MAN1A1: variants seen among roughly 807,000 people sequenced by gnomAD.
The protein encoded by MAN1A1 is mannosyl-oligosaccharide 1,2-alpha-mannosidase IA.
In MAN1A1, 29 loss-of-function variants were observed where a neutral mutation model predicts 70.8. That is an observed-to-expected ratio of 0.41 (90% CI 0.31 to 0.56). The LOEUF (loss-of-function observed/expected upper bound fraction) is 0.56. Ranked by LOEUF, MAN1A1 falls within the 20% of genes least tolerant of loss-of-function variation. The probability of loss-of-function intolerance (pLI) is 0.29; values close to 1 mark genes in which losing one functional copy is unlikely to be tolerated. For missense variants in MAN1A1, 747 were observed against 841.3 expected (o/e 0.89, Z 1.39); for synonymous variants, 349 against 330.1 (o/e 1.06, Z -0.62).
At chr6:119,327,271 G>GA (rs1447944665) in intron 2 of MAN1A1, 1 of 151,878 alleles carries the variant, frequency 6.6e-6, no homozygotes, top group Non-Finnish European at 1.5e-5. Context: ...GTTTGAAAAA[G>GA]GAGTGTTCAG....
chr6:119,196,704 A>C (rs1300191475), intron 8 of MAN1A1, among the ~76,000 whole-genome samples: 1 of 152,244 alleles, frequency 6.6e-6, no homozygotes, highest in East Asian at 1.9e-4. Flanking sequence ...GACAAAGAAG[A>C]ATTAAAATAC....
chr6:119,318,429 C>T (rs1403475455), intron 2 of MAN1A1, among the ~76,000 whole-genome samples: 1 of 152,164 alleles, frequency 6.6e-6, no homozygotes, highest in Admixed American at 6.5e-5. Flanking sequence ...ACATATATTA[C>T]CTTGTACACT....
rs746447401 is a variant in MAN1A1, at chr6:119,348,514, G to A, written c.552C>T (p.Ser184=). The stretch of plus-strand genomic sequence containing the variant: ...GGATGGCGGCGTCGGCGGGCTCCCG[G>A]CTCTCCACCCCGATTGGGGGCACGA... The part of the protein sequence containing the change: ...VDFVPPIGVE[S]REPADAAIRE... Residue 184 remains serine, a synonymous_variant, in exon 2 of 13, where the codon AGC becomes AGT. Transcript: ENST00000368468. The A allele has an allele frequency of 9.9e-6, 16 of 1,611,440 alleles. No homozygotes were observed. The South Asian group carries it at 1.8e-4, about 18-fold the overall frequency.
At chr6:119,230,012 GTAGCAGTTTC>G (rs1774634020) in intron 6 of MAN1A1, among the ~76,000 whole-genome samples, 1 of 152,102 alleles carries the variant, frequency 6.6e-6, no homozygotes, top group African/African-American at 2.4e-5. Context: ...CTTTGTTTTG[GTAGCAGTTTC>G]TAGTCAAATG....
intron 9 of MAN1A1, among the ~76,000 whole-genome samples, 182 bp from the exon 10 acceptor site, chr6:119,190,065 T>G (rs1346927189): frequency 6.6e-6 from 1 of 152,208 alleles, no homozygotes; most frequent in Non-Finnish European, 1.5e-5. Flanking sequence ...GTTTATGCCT[T>G]ATTTGTTTGA....
intron 11 of MAN1A1, among the ~76,000 whole-genome samples, chr6:119,186,734 C>G (rs555750417): frequency 6.6e-6 from 1 of 152,276 alleles, no homozygotes; most frequent in East Asian, 1.9e-4. Flanking sequence ...GAGCTGCAAG[C>G]ATATGCGGGG....
At chr6:119,180,519 A>AATTT in intron 11 of MAN1A1, 92 bp from the exon 12 acceptor site, 1 of 570,724 alleles carries the variant, frequency 1.8e-6, no homozygotes, top group Non-Finnish European at 3.0e-6. Flanking sequence ...CAGATAAAAC[A>AATTT]TTTTTTTTTT....
chr6:119,214,016 G>GT (rs1369607571), intron 6 of MAN1A1, among the ~76,000 whole-genome samples: 18 of 152,154 alleles, frequency 1.2e-4, no homozygotes, highest in African/African-American at 4.3e-4. Flanking sequence ...CCAGGCTGGA[G>GT]TGCAGTGGCA....
At chr6:119,332,785 C>G (rs1222046003) in intron 2 of MAN1A1, among the ~76,000 whole-genome samples, 1 of 22,278 alleles carries the variant, frequency 4.5e-5, no homozygotes, top group African/African-American at 2.1e-4. Context: ...AACTCCATCT[C>G]AAGAAAAAAA....
chr6:119,229,167 A>G (rs1774602661), intron 6 of MAN1A1, among the ~76,000 whole-genome samples: 1 of 152,048 alleles, frequency 6.6e-6, no homozygotes, highest in African/African-American at 2.4e-5. Flanking sequence ...TGAAGGACAT[A>G]TAACAACAAT....
chr6:119,302,244 A>G (rs548994700), intron 3 of MAN1A1, 141 bp from the exon 4 acceptor site: 15 of 505,760 alleles, frequency 3.0e-5, no homozygotes, highest in African/African-American at 2.5e-4. Flanking sequence ...AATTCTTTCA[A>G]TGAAAGTATA....
upstream of MAN1A1, chr6:119,349,783 G>A: frequency 2.0e-6 from 2 of 982,990 alleles, no homozygotes; most frequent in South Asian, 4.7e-5. Context: ...CGGTCTTGGG[G>A]CGGTGGAAAG....
intron 6 of MAN1A1, among the ~76,000 whole-genome samples, chr6:119,238,851 A>G (rs1028737501): frequency 1.3e-5 from 2 of 152,162 alleles, no homozygotes; most frequent in East Asian, 1.9e-4. Flanking sequence ...GGGCAACATG[A>G]GCATTCACAT....
intron 6 of MAN1A1, among the ~76,000 whole-genome samples, chr6:119,233,851 T>C (rs896233699): frequency 2.6e-5 from 4 of 152,328 alleles, no homozygotes; most frequent in South Asian, 2.1e-4. Context: ...TTATGAGTTA[T>C]AGAGTGCCAC....
At chr6:119,318,832 C>T (rs1387889566) in intron 2 of MAN1A1, among the ~76,000 whole-genome samples, 1 of 152,140 alleles carries the variant, frequency 6.6e-6, no homozygotes, top group Non-Finnish European at 1.5e-5. Context: ...TCTACTTGGG[C>T]ATCCTACACG....
chr6:119,271,152 A>T (rs1775913220), intron 5 of MAN1A1, among the ~76,000 whole-genome samples: 1 of 152,208 alleles, frequency 6.6e-6, no homozygotes, highest in African/African-American at 2.4e-5. Flanking sequence ...TTGTGTTTAG[A>T]TACAAAAATG....
chr6:119,228,815 T>C (rs1268241618), intron 6 of MAN1A1, among the ~76,000 whole-genome samples: 1 of 152,150 alleles, frequency 6.6e-6, no homozygotes, highest in African/African-American at 2.4e-5. Flanking sequence ...AATATAGGCA[T>C]AAAAAGTGTG....
chr6:119,242,713 G>A (rs1775045949), intron 6 of MAN1A1, among the ~76,000 whole-genome samples: 1 of 152,056 alleles, frequency 6.6e-6, no homozygotes, highest in African/African-American at 2.4e-5. Flanking sequence ...TTCCATAAAA[G>A]CCTTATGAGG....
intron 6 of MAN1A1, among the ~76,000 whole-genome samples, chr6:119,219,749 A>G (rs987679481): frequency 2.0e-5 from 3 of 152,186 alleles, no homozygotes; most frequent in Middle Eastern, 6.3e-3. Flanking sequence ...TTAACAGCCA[A>G]CTTTCTTAAA....
Sources: gnomAD v4.1 joint callset for allele counts (sites outside exome capture counted in the v4.1 genomes callset) on GRCh38, gnomAD v4.1.1 for gene constraint, MANE v1.5 for transcripts, NCBI Gene and HGNC (gene_info 2026-07-23, HGNC 2026-07-21) for gene names.